CTNNA2: variants seen among roughly 807,000 people sequenced by gnomAD.
CTNNA2 encodes catenin alpha-2.
A neutral mutation model predicts 101.0 loss-of-function variants in CTNNA2; 42 were observed. The ratio of observed to expected loss-of-function variants is 0.42; its 90% CI spans 0.32 to 0.54. The LOEUF is 0.54. CTNNA2 is among the 20% of genes least tolerant of loss of function. The pLI, the probability that CTNNA2 is intolerant of heterozygous loss-of-function variation, is 0.14. For missense variants in CTNNA2, 871 were observed against 1,223.1 expected (o/e 0.71, Z 4.29); for synonymous variants, 450 against 456.4 (o/e 0.99, Z 0.18).
rs1341964621 is a variant in CTNNA2, at chr2:80,006,314, A to G, written c.1056+96517A>G. Among the ~76,000 whole-genome samples the G allele has an allele frequency of 4.6e-5, 7 of 151,440 alleles. No homozygotes were observed. The East Asian group carries it at 9.7e-4, about 21-fold the overall frequency. On this transcript the variant is annotated intron_variant, in intron 7 of 18. Transcript: ENST00000402739. The stretch of plus-strand genomic sequence containing the variant: ...TAATATTTAAAATGATACATTTTGC[A>G]TATGTCATTTCAGAATCATCATAAC...
At chr2:80,282,285 A>C (rs946749649) in intron 7 of CTNNA2, among the ~76,000 whole-genome samples, 8 of 151,778 alleles carry the variant, frequency 5.3e-5, no homozygotes, top group Non-Finnish European at 1.2e-4. Context: ...TTTTTTTTTA[A>C]GTTTAAAACT....
intron 2 of CTNNA2, among the ~76,000 whole-genome samples, chr2:79,718,315 G>A (rs13034159): frequency 0.17 from 25,870 of 152,054 alleles, 2,475 homozygotes; most frequent in Middle Eastern, 0.23. Context: ...ATCATATTCA[G>A]TATATTGTGA....
intron 7 of CTNNA2, among the ~76,000 whole-genome samples, chr2:79,926,342 T>G (rs993175905): frequency 1.3e-5 from 2 of 152,152 alleles, no homozygotes; most frequent in African/African-American, 2.4e-5. Flanking sequence ...GATTTTTAGT[T>G]TTTAGAAGAA....
chr2:79,328,153 C>T (rs1438561416), intron 3 of CTNNA2, among the ~76,000 whole-genome samples: 1 of 152,090 alleles, frequency 6.6e-6, no homozygotes, highest in African/African-American at 2.4e-5. Flanking sequence ...TAAAAGATCC[C>T]TCATTGTTCA....
At chr2:79,356,709 A>G (rs1180621795) in intron 3 of CTNNA2, among the ~76,000 whole-genome samples, 1 of 152,210 alleles carries the variant, frequency 6.6e-6, no homozygotes, top group Non-Finnish European at 1.5e-5. Flanking sequence ...GCCTCACAGA[A>G]GAAAAGTCCA....
At chr2:80,406,826 CAAAAAAAAA>C (rs56793591) in intron 8 of CTNNA2, among the ~76,000 whole-genome samples, 1 of 64,000 alleles carries the variant, frequency 1.6e-5, no homozygotes, top group African/African-American at 4.2e-5. Context: ...GACTCCATCT[CAAAAAAAAA>C]AAAAAAAAAA....
rs1230358101 is a variant in CTNNA2, at chr2:80,589,300, G to A, written c.2008-4G>A. On this transcript the variant is annotated splice_polypyrimidine_tract_variant and splice_region_variant and intron_variant, in intron 14 of 18. Coordinates refer to ENST00000402739, the MANE Select transcript of CTNNA2 (RefSeq NM_001282597.3). ...CACTCACGCTTTTTCTGTAACCCAC[G>A]CAGGCCATCATGGCGCAACTACCGC... 6 of 1,613,652 alleles carry A rather than the reference G, an allele frequency of 3.7e-6. No homozygotes were observed. The highest frequency in any genetic ancestry group is 5.1e-6 in the Non-Finnish European group (6 of 1,179,782).
chr2:80,230,457 C>T (rs1487934070), intron 7 of CTNNA2, among the ~76,000 whole-genome samples: 1 of 151,926 alleles, frequency 6.6e-6, no homozygotes, highest in Non-Finnish European at 1.5e-5. Flanking sequence ...TTCATCATCA[C>T]TTTCTATGCC....
chr2:79,778,836 A>T (rs1022746816), intron 3 of CTNNA2, among the ~76,000 whole-genome samples: 2 of 152,176 alleles, frequency 1.3e-5, no homozygotes, highest in African/African-American at 4.8e-5. Context: ...TAAGGTTTTT[A>T]TGCCAGTTTG....
At chr2:79,809,447 A>G (rs1251783896) in intron 3 of CTNNA2, among the ~76,000 whole-genome samples, 1 of 152,204 alleles carries the variant, frequency 6.6e-6, no homozygotes, top group African/African-American at 2.4e-5. Flanking sequence ...CCGCTCCAGC[A>G]TCTGTTGTTT....
chr2:80,631,738 G>A (rs998113031), intron 18 of CTNNA2, among the ~76,000 whole-genome samples: 1 of 152,122 alleles, frequency 6.6e-6, no homozygotes, highest in Non-Finnish European at 1.5e-5. Context: ...TGGAACTGTG[G>A]TATATTGATA....
intron 4 of CTNNA2, among the ~76,000 whole-genome samples, chr2:79,440,461 T>C (rs1376622): frequency 0.94 from 143,756 of 152,238 alleles, 67,962 homozygotes; most frequent in East Asian, 1. Context: ...ATTTTTAATG[T>C]TAAGTACACT....
At chr2:80,294,949 G>C (rs1395179437) in intron 7 of CTNNA2, among the ~76,000 whole-genome samples, 1 of 152,212 alleles carries the variant, frequency 6.6e-6, no homozygotes, top group Non-Finnish European at 1.5e-5. Flanking sequence ...TGAGGAGTCA[G>C]TGTAATCACA....
At chr2:80,404,161 C>A (rs1053197772) in intron 8 of CTNNA2, among the ~76,000 whole-genome samples, 1 of 152,084 alleles carries the variant, frequency 6.6e-6, no homozygotes, top group Admixed American at 6.6e-5. Flanking sequence ...TTATCCATTT[C>A]TTCTAGATTT....
At chr2:79,586,878 C>A (rs1234224875) in intron 1 of CTNNA2, among the ~76,000 whole-genome samples, 2 of 151,154 alleles carry the variant, frequency 1.3e-5, no homozygotes, top group Non-Finnish European at 2.9e-5. Context: ...GCCTTTGCAT[C>A]CTCATGGCTT....
At chr2:79,446,555 A>G (rs1184091912) in intron 4 of CTNNA2, among the ~76,000 whole-genome samples, 1 of 152,094 alleles carries the variant, frequency 6.6e-6, no homozygotes, top group African/African-American at 2.4e-5. Flanking sequence ...CATAAAGCTT[A>G]ACTACTTGCC....
chr2:80,528,358 G>A (rs1237434417), intron 9 of CTNNA2, among the ~76,000 whole-genome samples: 2 of 152,028 alleles, frequency 1.3e-5, no homozygotes, highest in African/African-American at 4.8e-5. Context: ...CACCATGCCT[G>A]GCTAATTTTT....
chr2:79,609,510 A>T (rs1382435131), intron 1 of CTNNA2, among the ~76,000 whole-genome samples: 2 of 152,088 alleles, frequency 1.3e-5, no homozygotes, highest in Non-Finnish European at 2.9e-5. Context: ...GGAAAGGTAT[A>T]AGTATGTTGG....
intron 11 of CTNNA2, among the ~76,000 whole-genome samples, chr2:80,550,392 T>C (rs372359412): frequency 6.6e-6 from 1 of 152,148 alleles, no homozygotes; most frequent in African/African-American, 2.4e-5. Flanking sequence ...GCTGTGGCAA[T>C]TTCTTGAAGT....
Sources: allele counts gnomAD v4.1 joint callset (sites outside exome capture counted in the v4.1 genomes callset), GRCh38; gene constraint gnomAD v4.1.1; transcripts MANE v1.5; gene names NCBI Gene and HGNC (gene_info 2026-07-23, HGNC 2026-07-21).